Variants in ATF7IP observed in about 807,000 individuals in gnomAD.
ATF7IP encodes the protein activating transcription factor 7 interacting protein, also known as activating transcription factor 7-interacting protein 1.
In ATF7IP, 23 loss-of-function variants were observed where a neutral mutation model predicts 106.4. That is an observed-to-expected ratio of 0.22 (90% CI 0.16 to 0.31). The LOEUF is 0.31. Ranked by LOEUF, ATF7IP falls within the 10% of genes least tolerant of loss-of-function variation. The pLI, the probability that ATF7IP is intolerant of heterozygous loss-of-function variation, is 1.00. For missense variants in ATF7IP, 1,334 were observed against 1,524.3 expected, an observed-to-expected ratio of 0.88 and a Z score of 2.08; for synonymous variants, 542 against 539.0, an observed-to-expected ratio of 1.01 and a Z score of -0.08.
chr12:14,478,995 G>A (rs370213049), intron 12 of ATF7IP, among the ~76,000 whole-genome samples: 104 of 152,250 alleles, frequency 6.8e-4, no homozygotes, highest in Non-Finnish European at 1.1e-3. Context: ...ACTTGGCTGC[G>A]CAAAATAATG....
Position 14,382,740 on chromosome 12 carries a change from A to G in ATF7IP, c.-8+16913A>G, listed in dbSNP as rs906915212. Among the ~76,000 whole-genome samples, 2 of 152,212 alleles carry G rather than the reference A, an allele frequency of 1.3e-5. 1 individual carries two copies. Among genetic ancestry groups the G allele is most frequent in the Admixed American group, 1.3e-4 (2 of 15,282 alleles). On this transcript the variant is annotated intron_variant, in intron 1 of 14. Coordinates refer to ENST00000261168, the MANE Select transcript of ATF7IP (RefSeq NM_018179.5). ...ACTGTGTTCTATACTATGGAAGAGA[A>G]TGGAAAATGAATCAAGATGCGATTT...
At chr12:14,489,787 T>A (rs1040619092) in intron 13 of ATF7IP, among the ~76,000 whole-genome samples, 3 of 152,172 alleles carry the variant, frequency 2.0e-5, no homozygotes, top group Admixed American at 6.5e-5. Flanking sequence ...CTGCACTTAC[T>A]CAGCCGTACA....
In ATF7IP at chr12:14,498,851, A is replaced by AT. The variant is rs11398583; in HGVS notation, c.*790dup. The stretch of plus-strand genomic sequence containing the variant: ...CAAATATAGCACAACTCCTCAAGTA[A>AT]TTTTTTTTTTTTAAGATGGAGTTTT... On this transcript the variant is annotated 3_prime_UTR_variant, in exon 15 of 15. Coordinates refer to ENST00000261168, the MANE Select transcript of ATF7IP (RefSeq NM_018179.5). The AT allele has an allele frequency of 0.53, 79,482 of 149,624 alleles. 21,325 individuals are homozygous for AT. Among genetic ancestry groups the AT allele is most frequent in the African/African-American group, 0.65 (26,536 of 40,600 alleles). The allele number at this position is 149,624 out of a possible 1,614,324, so 9.3% of individuals were successfully genotyped here. A position where few individuals can be genotyped will look rare whatever the true frequency, so the allele number is the denominator to read the frequency against.
At chr12:14,441,454 T>C (rs867347329) in intron 5 of ATF7IP, among the ~76,000 whole-genome samples, 18 of 151,372 alleles carry the variant, frequency 1.2e-4, no homozygotes, top group Middle Eastern at 6.8e-3. Flanking sequence ...TGTTGAGTTG[T>C]AAGAATTATT....
At chr12:14,466,668 T>A (rs1204263825) in intron 10 of ATF7IP, 78 bp downstream of exon 10, 1 of 1,145,586 alleles carries the variant, frequency 8.7e-7, no homozygotes, top group Admixed American at 2.4e-5. Context: ...ATTCTTTGAT[T>A]GAATGAAAAT....
intron 13 of ATF7IP, among the ~76,000 whole-genome samples, chr12:14,494,658 C>T (rs1944953032): frequency 6.6e-6 from 1 of 150,546 alleles, no homozygotes; most frequent in Non-Finnish European, 1.5e-5. Flanking sequence ...ATAGACTGGG[C>T]ATGGTAGCTC....
chr12:14,390,227 A>G (rs555708747), intron 1 of ATF7IP, among the ~76,000 whole-genome samples: 1 of 152,346 alleles, frequency 6.6e-6, no homozygotes, highest in East Asian at 1.9e-4. Context: ...AAACATAAGT[A>G]AAATTTAGCC....
chr12:14,477,135 CT>C (rs1403370965), intron 11 of ATF7IP, among the ~76,000 whole-genome samples: 1 of 152,088 alleles, frequency 6.6e-6, no homozygotes, highest in Non-Finnish European at 1.5e-5. Flanking sequence ...ATATCATGTG[CT>C]GAGTTACTTC....
intron 9 of ATF7IP, 117 bp downstream of exon 9, chr12:14,461,250 T>G: frequency 1.0e-6 from 1 of 961,030 alleles, no homozygotes; most frequent in Non-Finnish European, 1.5e-6. Context: ...AAATAGAATT[T>G]TCTTGATTAT....
rs370461246 is a variant in ATF7IP at position 14,465,563 on chromosome 12, C to T, written c.2798-963C>T. Among the ~76,000 whole-genome samples, 15 of 151,472 alleles carry T rather than the reference C, an allele frequency of 9.9e-5. No homozygotes were observed. The South Asian group carries it at 2.7e-3, about 27-fold the overall frequency. On this transcript the variant is annotated intron_variant, in intron 9 of 14. Coordinates refer to ENST00000261168, the MANE Select transcript of ATF7IP (RefSeq NM_018179.5). ...AATAAATAGATAATATATTAATATTCTTCTTACAAAAAGAAGGTAATTCAG... is the reference window on the plus strand; with the variant it reads ...AATAAATAGATAATATATTAATATTTTTCTTACAAAAAGAAGGTAATTCAG...
At chr12:14,446,887 C>T in intron 5 of ATF7IP, 101 bp from the exon 6 acceptor site, 4 of 768,928 alleles carry the variant, frequency 5.2e-6, no homozygotes, top group Non-Finnish European at 7.8e-6. Flanking sequence ...TCTGAGGATC[C>T]TGTTTTCTAT....
intron 1 of ATF7IP, among the ~76,000 whole-genome samples, chr12:14,411,877 A>C (rs566197341): frequency 6.6e-6 from 1 of 151,950 alleles, no homozygotes; most frequent in Admixed American, 6.5e-5. Flanking sequence ...CAAATTTATG[A>C]AGATTTTATG....
At chr12:14,417,482 G>C (rs1309987172) in intron 1 of ATF7IP, among the ~76,000 whole-genome samples, 1 of 151,926 alleles carries the variant, frequency 6.6e-6, no homozygotes, top group Non-Finnish European at 1.5e-5. Context: ...TACTTGTCTG[G>C]ATTTAAGGTT....
chr12:14,459,486 G>A (rs531002080), intron 8 of ATF7IP, among the ~76,000 whole-genome samples: 2 of 152,302 alleles, frequency 1.3e-5, no homozygotes, highest in Admixed American at 6.5e-5. Flanking sequence ...AGAATGCAGC[G>A]ATGTTTGGTC....
chr12:14,446,257 C>G (rs1403142777), intron 5 of ATF7IP, among the ~76,000 whole-genome samples: 3 of 152,038 alleles, frequency 2.0e-5, no homozygotes. Flanking sequence ...AAGCGATACT[C>G]CTGCTTCAGC....
intron 1 of ATF7IP, among the ~76,000 whole-genome samples, chr12:14,368,425 ATTG>A (rs1336935521): frequency 2.6e-5 from 4 of 152,094 alleles, no homozygotes; most frequent in East Asian, 3.9e-4. Flanking sequence ...GTTACATATT[ATTG>A]TTATCTCTAA....
At chr12:14,394,433 A>T (rs967639009) in intron 1 of ATF7IP, among the ~76,000 whole-genome samples, 9 of 152,188 alleles carry the variant, frequency 5.9e-5, no homozygotes, top group African/African-American at 2.2e-4. Context: ...TTTGAATTCT[A>T]TTCAAATATG....
At chr12:14,446,560 C>CACAGTAAAATA (rs1942969253) in intron 5 of ATF7IP, among the ~76,000 whole-genome samples, 1 of 152,162 alleles carries the variant, frequency 6.6e-6, no homozygotes, top group African/African-American at 2.4e-5. Context: ...CACAGTAAAG[C>CACAGTAAAATA]CTATACATCC....
At position 14,424,971 on chromosome 12, in the gene ATF7IP, A is replaced by G. The variant is rs1319813764; in HGVS notation, c.1056A>G (p.Leu352=). 2 of 1,610,010 alleles carry G rather than the reference A, an allele frequency of 1.2e-6. No homozygotes were observed. Among genetic ancestry groups the G allele is most frequent in the Non-Finnish European group, 1.7e-6 (2 of 1,179,086 alleles). Residue 352 remains leucine (L), a synonymous_variant, in exon 2 of 15, where the codon CTA becomes CTG. Coordinates refer to ENST00000261168, the MANE Select transcript of ATF7IP (RefSeq NM_018179.5). ...DNNIDANEET[L]ETDDTTICSD... is the part of the protein sequence containing the mutation. The stretch of plus-strand genomic sequence containing the variant: ...ATATTGATGCTAATGAAGAAACTCT[A>G]GAAACAGATGATACAACTATTTGTT...
Sources: allele counts gnomAD v4.1 joint callset (sites outside exome capture counted in the v4.1 genomes callset), GRCh38; gene constraint gnomAD v4.1.1; transcripts MANE v1.5; gene names NCBI Gene and HGNC (gene_info 2026-07-23, HGNC 2026-07-21).